ARL10: variants seen among roughly 807,000 people sequenced by gnomAD.
ARL10 encodes the protein ARF like GTPase 10.
ARL10 carries 23 observed loss-of-function variants against 26.1 expected under a neutral mutation model. The observed-to-expected ratio is 0.88, with a 90% CI of 0.63 to 1.25. The LOEUF is 1.25. ARL10 is among the 50% of genes most tolerant of loss of function. ARL10 has a pLI of 0.00. For synonymous variants in ARL10, 138 were observed against 149.1 expected (o/e 0.93, Z 0.54); for missense variants, 300 against 323.6 (o/e 0.93, Z 0.56).
At chr5:176,367,679 C>G (rs1408992375) in intron 2 of ARL10, among the ~76,000 whole-genome samples, 1 of 152,228 alleles carries the variant, frequency 6.6e-6, no homozygotes, top group Admixed American at 6.5e-5. Context: ...GCTCTCCCCT[C>G]TGTCTGGAAT....
intron 1 of ARL10, among the ~76,000 whole-genome samples, chr5:176,401,416 AC>A (rs1406100087): frequency 6.6e-6 from 1 of 152,246 alleles, no homozygotes; most frequent in African/African-American, 2.4e-5. Context: ...GCAAACATGT[AC>A]TGAGCCCTTT....
chr5:176,384,306 G>A (rs1395756891), downstream of ARL10: 1 of 1,614,228 alleles, frequency 6.2e-7, no homozygotes, highest in East Asian at 2.2e-5. Context: ...AGCGTTTATA[G>A]ACGTTGATCT....
chr5:176,387,268 TG>T (rs143000009), intron 1 of ARL10, among the ~76,000 whole-genome samples: 35,372 of 152,004 alleles, frequency 0.23, 4,188 homozygotes, highest in South Asian at 0.3. Context: ...TTAGTAGAGA[TG>T]GGGTTTTGCC....
chr5:176,401,993 C>T (rs1319195685), downstream of ARL10: 1 of 319,470 alleles, frequency 3.1e-6, no homozygotes, highest in African/African-American at 2.2e-5. Context: ...TCCGATTTAT[C>T]ATGTCACACT....
At chr5:176,397,107 G>A (rs1433869025) in intron 1 of ARL10, among the ~76,000 whole-genome samples, 1 of 151,966 alleles carries the variant, frequency 6.6e-6, no homozygotes, top group Non-Finnish European at 1.5e-5. Context: ...TCTCCTCTGC[G>A]CCCTTTGAGG....
downstream of ARL10, chr5:176,406,493 A>G (rs1278308614): frequency 1.6e-6 from 2 of 1,213,102 alleles, no homozygotes; most frequent in Admixed American, 3.0e-5. Flanking sequence ...AGCTAAGCTG[A>G]GCTGCTGATT....
chr5:176,388,621 T>G, exon 2 of ARL10: 1 of 1,407,704 alleles, frequency 7.1e-7, no homozygotes, highest in East Asian at 2.3e-5. Flanking sequence ...CCGGAAGGCG[T>G]GCACAAGGCT....
chr5:176,386,557 C>A (rs1755857637), downstream of ARL10: 2 of 486,436 alleles, frequency 4.1e-6, no homozygotes, highest in Admixed American at 3.0e-5. Context: ...AAGCCATACC[C>A]ATGCCAGAGA....
chr5:176,384,707 C>G, downstream of ARL10: 1 of 394,626 alleles, frequency 2.5e-6, no homozygotes, highest in South Asian at 3.6e-5. Flanking sequence ...GAGGATGAGG[C>G]TGCGGTGAGC....
chr5:176,369,958 C>CAAA (rs34183741), intron 3 of ARL10, among the ~76,000 whole-genome samples: 78 of 136,184 alleles, frequency 5.7e-4, no homozygotes, highest in Middle Eastern at 3.7e-3. Flanking sequence ...GACCCTATCT[C>CAAA]AAAAAAAAAA....
At chr5:176,388,720 C>G, downstream of ARL10, 2 of 1,499,852 alleles carry the variant, frequency 1.3e-6, no homozygotes, top group Non-Finnish European at 1.8e-6. Context: ...TTTGCGCCTG[C>G]GTACAAGGCT....
chr5:176,406,451 C>T (rs1757125421), downstream of ARL10: 2 of 1,180,626 alleles, frequency 1.7e-6, no homozygotes, highest in Non-Finnish European at 2.1e-6. Context: ...GGATGAGCCA[C>T]ATCCTTCTTT....
At chr5:176,395,257 T>C (rs1443309217) in intron 1 of ARL10, among the ~76,000 whole-genome samples, 1 of 152,118 alleles carries the variant, frequency 6.6e-6, no homozygotes, top group Non-Finnish European at 1.5e-5. Flanking sequence ...CAGCTGAAGG[T>C]CTTGCATCTC....
chr5:176,369,006 C>G (rs369694586), intron 3 of ARL10, 24 bp downstream of exon 3: 7 of 1,612,114 alleles, frequency 4.3e-6, no homozygotes, highest in Middle Eastern at 1.6e-4. Flanking sequence ...GAGGGCAGCT[C>G]GGTCCAGGTG....
chr5:176,384,299 G>A (rs369844270), downstream of ARL10: 27 of 1,614,194 alleles, frequency 1.7e-5, no homozygotes, highest in Middle Eastern at 1.6e-4. Flanking sequence ...GGGTAAAAGC[G>A]TTTATAGACG....
At position 176,368,241 on chromosome 5, in the gene ARL10, G is replaced by A. The variant is rs1768393368; in HGVS notation, c.386-566G>A. Among the ~76,000 whole-genome samples the A allele has an allele frequency of 6.6e-6, 1 of 152,196 alleles. No homozygotes were observed. The highest frequency in any genetic ancestry group is 2.4e-5 in the African/African-American group (1 of 41,442). On this transcript the variant is annotated intron_variant, in intron 2 of 3. Transcript: ENST00000310389. This position sits in a 1 kb window ranked among gnomAD's most constrained non-coding sequence, Gnocchi z 4.1. The stretch of plus-strand genomic sequence containing the variant: ...ATGACATTTCCAAGGGAAAAGAAGG[G>A]GATGGGGGAAACTGAATGGAGAATG...
the ARL10 span, among the ~76,000 whole-genome samples, chr5:176,412,286 C>G: frequency 2.0e-5 from 3 of 152,072 alleles, 1 homozygote; most frequent in South Asian, 6.2e-4. Flanking sequence ...CTTCCCTAGG[C>G]ACTTACGGAA....
rs1755501173 is a variant in ARL10 at position 176,379,539 on chromosome 5, C to T, written c.*7644C>T. 1 of 152,164 alleles carries T rather than the reference C, an allele frequency of 6.6e-6. No individual in the cohort carries two copies. The allele number at this position is 152,164 out of a possible 1,614,324, so 9.4% of individuals were successfully genotyped here. A position where few individuals can be genotyped will look rare whatever the true frequency, so the allele number is the denominator to read the frequency against. On this transcript the variant is annotated 3_prime_UTR_variant, in exon 4 of 4. Coordinates refer to ENST00000310389, the MANE Select transcript of ARL10 (RefSeq NM_173664.6). ...TATAAGTTGGAAATCCTAGAGCAAC[C>T]ATATCTGTTACTTTCCATCCTGGTT...
In ARL10 at chr5:176,379,202, C is replaced by T. The variant is rs924484393; in HGVS notation, c.*7307C>T. The T allele has an allele frequency of 3.3e-5, 5 of 152,052 alleles. No homozygotes were observed. The highest frequency in any genetic ancestry group is 1.3e-4 in the Admixed American group (2 of 15,250). The allele number at this position is 152,052 out of a possible 1,614,324, so 9.4% of individuals were successfully genotyped here. A position where few individuals can be genotyped will look rare whatever the true frequency, so the allele number is the denominator to read the frequency against. On this transcript the variant is annotated 3_prime_UTR_variant, in exon 4 of 4. Coordinates refer to ENST00000310389, the MANE Select transcript of ARL10 (RefSeq NM_173664.6). ...TTATTTTTTGAGATGGAGTTTTGCT[C>T]TTCTTGCCCAAGCTGGAGTGCAGTG...
Sources: gnomAD v4.1 joint callset for allele counts (sites outside exome capture counted in the v4.1 genomes callset) on GRCh38, gnomAD v4.1.1 for gene constraint, Gnocchi (gnomAD v3.1) non-coding constraint, MANE v1.5 for transcripts, NCBI Gene and HGNC (gene_info 2026-07-23, HGNC 2026-07-21) for gene names.